Variants in KCNH7 observed in about 807,000 individuals in gnomAD.
KCNH7 encodes the protein voltage-gated inwardly rectifying potassium channel KCNH7.
Under a neutral mutation model 120.8 loss-of-function variants are expected in KCNH7, and 49 were observed. That is an observed-to-expected ratio of 0.41 (90% confidence interval 0.32 to 0.51). The LOEUF (loss-of-function observed/expected upper bound fraction) is 0.51, where lower values mean the gene tolerates loss of function less well. Ranked by LOEUF, KCNH7 falls within the 20% of genes least tolerant of loss-of-function variation. The pLI is 0.38. For missense variants in KCNH7, 1,097 were observed against 1,446.6 expected (o/e 0.76, Z 3.92); for synonymous variants, 547 against 516.1 (o/e 1.06, Z -0.81).
At chr2:162,431,417 T>G (rs1573949732) in intron 8 of KCNH7, among the ~76,000 whole-genome samples, 1 of 152,088 alleles carries the variant, frequency 6.6e-6, no homozygotes, top group Non-Finnish European at 1.5e-5. Context: ...TTGAATATAG[T>G]TAGATTTAAC....
At chr2:162,476,724 A>T (rs1689760907) in intron 6 of KCNH7, among the ~76,000 whole-genome samples, 1 of 152,224 alleles carries the variant, frequency 6.6e-6, no homozygotes, top group South Asian at 2.1e-4. Context: ...AGTAAATAAT[A>T]ATGGCAGAAA....
chr2:162,811,077 C>A (rs1448306986), intron 2 of KCNH7, among the ~76,000 whole-genome samples: 3 of 152,048 alleles, frequency 2.0e-5, no homozygotes, highest in Non-Finnish European at 4.4e-5. Context: ...TGATGAATGG[C>A]TTTTCTACAA....
intron 2 of KCNH7, among the ~76,000 whole-genome samples, chr2:162,694,558 G>C (rs530508672): frequency 6.6e-6 from 1 of 151,906 alleles, no homozygotes; most frequent in East Asian, 1.9e-4. Flanking sequence ...CCCTCACTCA[G>C]AAATCTGATG....
intron 14 of KCNH7, 82 bp downstream of exon 14, chr2:162,379,771 G>A: frequency 7.5e-7 from 1 of 1,334,930 alleles, no homozygotes; most frequent in South Asian, 1.4e-5. Context: ...ATGGCAAGGA[G>A]AATTTTCCAT....
At chr2:162,445,293 CA>C (rs1360532262) in intron 7 of KCNH7, among the ~76,000 whole-genome samples, 13 of 152,146 alleles carry the variant, frequency 8.5e-5, no homozygotes, top group African/African-American at 2.6e-4. Context: ...AGGATTTTTT[CA>C]ACCTATTCCC....
At chr2:162,712,341 A>G (rs973591077) in intron 2 of KCNH7, among the ~76,000 whole-genome samples, 8 of 151,828 alleles carry the variant, frequency 5.3e-5, no homozygotes, top group African/African-American at 1.9e-4. Context: ...TTACTTTATC[A>G]CCAGCTCCAA....
intron 2 of KCNH7, among the ~76,000 whole-genome samples, chr2:162,651,341 T>A (rs1012718248): frequency 6.6e-6 from 1 of 152,150 alleles, no homozygotes; most frequent in Non-Finnish European, 1.5e-5. Flanking sequence ...CCAATAGTTA[T>A]CTTTTCCACT....
intron 2 of KCNH7, among the ~76,000 whole-genome samples, chr2:162,623,645 T>C (rs1455961882): frequency 1.3e-5 from 2 of 152,186 alleles, no homozygotes; most frequent in African/African-American, 4.8e-5. Context: ...GAATGAATTA[T>C]GTCACCTTGT....
intron 2 of KCNH7, among the ~76,000 whole-genome samples, chr2:162,772,813 A>G (rs1265296280): frequency 3.3e-5 from 5 of 152,184 alleles, no homozygotes; most frequent in Admixed American, 1.3e-4. Flanking sequence ...ATGTGTACCA[A>G]TGTGAATATG....
intron 2 of KCNH7, among the ~76,000 whole-genome samples, chr2:162,635,096 C>A (rs1683908843): frequency 6.6e-6 from 1 of 152,004 alleles, no homozygotes; most frequent in South Asian, 2.1e-4. Flanking sequence ...CCATATTGGA[C>A]AGTGTAAAAA....
chr2:162,742,940 G>A lies in KCNH7; in HGVS notation c.307+93597C>T, dbSNP rs2105413827. Among the ~76,000 whole-genome samples the A allele has an allele frequency of 1.3e-5, 2 of 152,258 alleles. 1 individual carries two copies. The highest frequency in any genetic ancestry group is 4.1e-4 in the South Asian group (2 of 4,824). ...ACTGTTTCAGAAGTAATACATTCAG[G>A]TTTTAGGTAAACTAGAATGTTATTC... On this transcript the variant is annotated intron_variant, in intron 2 of 15. Transcript: ENST00000332142.
At chr2:162,405,724 T>C (rs527793695) in intron 9 of KCNH7, among the ~76,000 whole-genome samples, 27 of 152,096 alleles carry the variant, frequency 1.8e-4, no homozygotes, top group Non-Finnish European at 3.2e-4. Context: ...AAATGACATG[T>C]CTTATTAACT....
At chr2:162,636,942 C>G (rs1683982400) in intron 2 of KCNH7, among the ~76,000 whole-genome samples, 1 of 152,134 alleles carries the variant, frequency 6.6e-6, no homozygotes, top group African/African-American at 2.4e-5. Context: ...TCTAGGGACA[C>G]TTGGCTGCTT....
At chr2:162,561,334 TC>T (rs1437505632) in intron 2 of KCNH7, among the ~76,000 whole-genome samples, 6 of 152,236 alleles carry the variant, frequency 3.9e-5, no homozygotes, top group Non-Finnish European at 5.9e-5. Flanking sequence ...CATTTCATTT[TC>T]TTTAAACCAG....
At chr2:162,458,196 T>C (rs904535662) in intron 6 of KCNH7, among the ~76,000 whole-genome samples, 1 of 151,986 alleles carries the variant, frequency 6.6e-6, no homozygotes, top group African/African-American at 2.4e-5. Context: ...GCTAAGTGTT[T>C]AGCATTTTGT....
chr2:162,488,118 C>T (rs1247313854), intron 6 of KCNH7, among the ~76,000 whole-genome samples: 3 of 152,212 alleles, frequency 2.0e-5, no homozygotes, highest in African/African-American at 7.2e-5. Flanking sequence ...AGATTGACAA[C>T]AACTGGTGAA....
intron 8 of KCNH7, among the ~76,000 whole-genome samples, chr2:162,434,687 G>C (rs2105519774): frequency 6.7e-6 from 1 of 148,680 alleles, no homozygotes; most frequent in Non-Finnish European, 1.5e-5. Context: ...TGTATAAATT[G>C]GTATGTGTAT....
chr2:162,486,871 T>C (rs1413799421), intron 6 of KCNH7, among the ~76,000 whole-genome samples: 1 of 152,224 alleles, frequency 6.6e-6, no homozygotes, highest in Non-Finnish European at 1.5e-5. Flanking sequence ...TATAGACTTA[T>C]TTAATTCAGG....
intron 2 of KCNH7, among the ~76,000 whole-genome samples, chr2:162,587,878 A>G (rs1014372327): frequency 6.6e-6 from 1 of 152,130 alleles, no homozygotes; most frequent in Non-Finnish European, 1.5e-5. Context: ...CTAAGAACAC[A>G]TAATGAGTCA....
Sources: gnomAD v4.1 joint callset for allele counts (sites outside exome capture counted in the v4.1 genomes callset) on GRCh38, gnomAD v4.1.1 for gene constraint, MANE v1.5 for transcripts, NCBI Gene and HGNC (gene_info 2026-07-23, HGNC 2026-07-21) for gene names.